The following ABR variants were observed in gnomAD, a reference collection of about 807,000 sequenced individuals.
ABR encodes the protein active breakpoint cluster region-related protein.
ABR carries 35 observed loss-of-function variants against 107.2 expected under a neutral mutation model. The ratio of observed to expected loss-of-function variants is 0.33; its 90% CI spans 0.25 to 0.43. The LOEUF (loss-of-function observed/expected upper bound fraction) is 0.43. Among genes scored for constraint, ABR ranks in the 20% least tolerant of loss-of-function variants. The probability of loss-of-function intolerance (pLI) is 1.00; values close to 1 mark genes in which losing one functional copy is unlikely to be tolerated. For synonymous variants in ABR, 498 were observed against 462.0 expected (o/e 1.08, Z -1.00); for missense variants, 815 against 1,115.2 (o/e 0.73, Z 3.83).
intron 6 of ABR, 139 bp downstream of exon 6, chr17:1,079,191 A>G (rs1030863646): frequency 1.4e-6 from 2 of 1,479,358 alleles, no homozygotes; most frequent in Non-Finnish European, 1.8e-6. Context: ...TCACACTCAC[A>G]CGCGCTCACA....
At position 1,224,338 on chromosome 17, in the gene ABR, C is replaced by T. The variant is rs527434300; in HGVS notation, c.838+4455G>A. Among the ~76,000 whole-genome samples the T allele has an allele frequency of 1.1e-3, 171 of 152,224 alleles. 1 individual carries two copies. The Middle Eastern group carries it at 0.017, about 15-fold the overall frequency. On this transcript the variant is annotated intron_variant, in intron 1 of 22. Transcript: ENST00000574139. Reference sequence around the variant, plus strand: ...TTTACACTCTGATGTTGCTATCGTGCGCGGACAAAAAAGCCGAAATGTGTT... The same window carrying T: ...TTTACACTCTGATGTTGCTATCGTGTGCGGACAAAAAAGCCGAAATGTGTT...
chr17:1,030,633 C>A (rs945238312), intron 16 of ABR, among the ~76,000 whole-genome samples: 1 of 152,206 alleles, frequency 6.6e-6, no homozygotes, highest in South Asian at 2.1e-4. Flanking sequence ...TGAAACAAAA[C>A]GAGGGGCCAG....
intron 21 of ABR, among the ~76,000 whole-genome samples, chr17:1,009,235 T>C (rs28523920): frequency 2.3e-4 from 11 of 47,450 alleles, no homozygotes; most frequent in African/African-American, 6.4e-4. Context: ...TACTGTCCAT[T>C]CCCCACTGCT....
At chr17:1,128,481 T>A (rs1567803409) in intron 1 of ABR, among the ~76,000 whole-genome samples, 1 of 152,244 alleles carries the variant, frequency 6.6e-6, no homozygotes. Context: ...CAAAGACACC[T>A]TTCCTGATGG....
intron 1 of ABR, among the ~76,000 whole-genome samples, chr17:1,126,768 C>G (rs1190802148): frequency 6.6e-6 from 1 of 152,186 alleles, no homozygotes; most frequent in Non-Finnish European, 1.5e-5. Context: ...TGAATCCTGC[C>G]CCTTTGTCCT....
chr17:1,042,570 AGACATGGCACCTACGTCCACAGACGGATG>A (rs2030794224), intron 16 of ABR, among the ~76,000 whole-genome samples: 3 of 73,852 alleles, frequency 4.1e-5, no homozygotes, highest in South Asian at 7.1e-4. Flanking sequence ...ATGGGTAAAC[AGACATGGCACCTACGTCCACAGACGGATG>A]GATGGACGAA....
chr17:1,066,846 A>G (rs2034793868), intron 10 of ABR, among the ~76,000 whole-genome samples: 1 of 151,912 alleles, frequency 6.6e-6, no homozygotes. Context: ...TCCCCTTTCT[A>G]TCGTGTTCAA....
intron 2 of ABR, among the ~76,000 whole-genome samples, chr17:1,104,002 C>T (rs953949983): frequency 1.3e-5 from 2 of 152,140 alleles, no homozygotes; most frequent in Non-Finnish European, 2.9e-5. Flanking sequence ...CACTCACTCA[C>T]CCATTCCCAC....
At chr17:1,033,738 A>G (rs1474806821) in intron 16 of ABR, among the ~76,000 whole-genome samples, 2 of 152,170 alleles carry the variant, frequency 1.3e-5, no homozygotes, top group Non-Finnish European at 2.9e-5. Context: ...GGGCTGAGCC[A>G]CAACAGCCTC....
At chr17:1,122,942 G>T (rs1303429265) in intron 2 of ABR, among the ~76,000 whole-genome samples, 2 of 152,096 alleles carry the variant, frequency 1.3e-5, no homozygotes, top group African/African-American at 4.8e-5. Context: ...TGGTCCAGAA[G>T]TCCCCCCTGT....
rs535903158 is a variant in ABR at position 1,084,718 on chromosome 17, C to T, written c.532-1091G>A. Among the ~76,000 whole-genome samples, 6 of 152,316 alleles carry T rather than the reference C, an allele frequency of 3.9e-5. No individual in the cohort carries two copies. Among genetic ancestry groups the T allele is most frequent in the Admixed American group, 2.6e-4 (4 of 15,298 alleles). On this transcript the variant is annotated intron_variant, in intron 4 of 22. Transcript: ENST00000302538. The surrounding 1 kb of genome is among the most constrained non-coding windows in gnomAD (Gnocchi z 4.2). ...GTAGAAATTCAAATTAAAGCCATCACGAGATATTTTATACTCATCAGAAGG... is the reference window on the plus strand; with the variant it reads ...GTAGAAATTCAAATTAAAGCCATCATGAGATATTTTATACTCATCAGAAGG...
chr17:1,140,551 A>G (rs2040246483), intron 1 of ABR, among the ~76,000 whole-genome samples: 2 of 152,138 alleles, frequency 1.3e-5, no homozygotes, highest in Non-Finnish European at 2.9e-5. Context: ...CTACAACAAT[A>G]AGGACACTGT....
intron 16 of ABR, among the ~76,000 whole-genome samples, chr17:1,018,924 C>G (rs2071411499): frequency 1.3e-5 from 2 of 152,176 alleles, no homozygotes; most frequent in Admixed American, 1.3e-4. Context: ...AGGAATTTAC[C>G]CAGTGCACAC....
chr17:1,042,173 G>A (rs2030642731), intron 16 of ABR, among the ~76,000 whole-genome samples: 1 of 145,510 alleles, frequency 6.9e-6, no homozygotes, highest in Non-Finnish European at 1.5e-5. Context: ...CGGATGGACG[G>A]ACGGACAGAC....
chr17:1,200,035 A>G lies in ABR; in HGVS notation c.838+28758T>C, dbSNP rs552649340. 6.6e-5 allele frequency among the ~76,000 whole-genome samples: 10 copies of G among 152,094 alleles called. No individual in the cohort carries two copies. Among genetic ancestry groups the G allele is most frequent in the African/African-American group, 2.4e-4 (10 of 41,516 alleles). On this transcript the variant is annotated intron_variant, in intron 1 of 22. Transcript: ENST00000574139. The surrounding 1 kb of genome is among the most constrained non-coding windows in gnomAD (Gnocchi z 4.1). ...GTGTGCTGCAACCATAGAGCTCTTT[A>G]CAAAGTTTTATAGTTGGCCTTCTCT...
rs1483795726 is a variant in ABR at position 1,078,314 on chromosome 17, G to A, written c.700+1016C>T. The stretch of plus-strand genomic sequence containing the variant: ...GCATGTGCGCGGAGCACACAATACC[G>A]TGCCGCCCAGCCTCCGCGCCTCTCT... On this transcript the variant is annotated intron_variant, in intron 6 of 22. Coordinates refer to ENST00000302538, the MANE Select transcript of ABR (RefSeq NM_021962.5). The surrounding 1 kb of genome is among the most constrained non-coding windows in gnomAD (Gnocchi z 7.5). Among the ~76,000 whole-genome samples, 1 of 152,064 alleles carries A rather than the reference G, an allele frequency of 6.6e-6. No individual in the cohort carries two copies. The highest frequency in any genetic ancestry group is 1.5e-5 in the Non-Finnish European group (1 of 68,008).
In ABR at chr17:1,072,653, G is replaced by A. The variant is rs201485913; in HGVS notation, c.855C>T (p.Ile285=). The A allele has an allele frequency of 2.4e-5, 39 of 1,612,104 alleles. No homozygotes were observed. The East Asian group carries it at 8.0e-4, about 33-fold the overall frequency. ...TTGTCACTGCAGTCCGGCGGGGGTCGATGTCCTCGTTGATGCTGGACAGGA... is the reference window on the plus strand; with the variant it reads ...TTGTCACTGCAGTCCGGCGGGGGTCAATGTCCTCGTTGATGCTGGACAGGA... ...QNFLSSINED[I]DPRRTAVTTP... Residue 285 remains isoleucine (I), a synonymous_variant, in exon 8 of 23, where the codon ATC becomes ATT. Coordinates refer to ENST00000302538, the MANE Select transcript of ABR (RefSeq NM_021962.5).
chr17:1,061,829 A>C (rs2033971688), intron 10 of ABR, among the ~76,000 whole-genome samples: 2 of 152,168 alleles, frequency 1.3e-5, no homozygotes, highest in South Asian at 4.1e-4. Flanking sequence ...TTACCGGTGT[A>C]AACCACCATG....
chr17:1,061,139 T>TAC (rs2033877093), intron 10 of ABR, among the ~76,000 whole-genome samples: 1 of 152,150 alleles, frequency 6.6e-6, no homozygotes, highest in African/African-American at 2.4e-5. Context: ...GACAGGGATA[T>TAC]ACATGAGGCA....
Sources: gnomAD v4.1 joint callset for allele counts (sites outside exome capture counted in the v4.1 genomes callset) on GRCh38, gnomAD v4.1.1 for gene constraint, Gnocchi (gnomAD v3.1) non-coding constraint, MANE v1.5 for transcripts, NCBI Gene and HGNC (gene_info 2026-07-23, HGNC 2026-07-21) for gene names.